PSD2: variants seen among roughly 807,000 people sequenced by gnomAD.
PSD2 encodes PH and SEC7 domain-containing protein 2.
A neutral mutation model predicts 69.8 loss-of-function variants in PSD2; 38 were observed. That is an observed-to-expected ratio of 0.54 (90% CI 0.42 to 0.71). The LOEUF is 0.71. PSD2 is among the 30% of genes least tolerant of loss of function. The pLI, the probability that PSD2 is intolerant of heterozygous loss-of-function variation, is 0.00. For synonymous variants in PSD2, 412 were observed against 423.0 expected, an observed-to-expected ratio of 0.97 and a Z score of 0.32; for missense variants, 943 against 1,014.5, an observed-to-expected ratio of 0.93 and a Z score of 0.96.
At chr5:139,833,586 A>G in intron 7 of PSD2, 116 bp from the exon 8 acceptor site, 1 of 740,906 alleles carries the variant, frequency 1.3e-6, no homozygotes, top group Non-Finnish European at 2.4e-6. Context: ...CACGCAATTT[A>G]ATTTTCATTA....
At chr5:139,768,315 G>T in the PSD2 span, among the ~76,000 whole-genome samples, 1 of 152,230 alleles carries the variant, frequency 6.6e-6, no homozygotes, top group Non-Finnish European at 1.5e-5. Context: ...GAGGCCAGTG[G>T]GCTGGTCACC....
the PSD2 span, among the ~76,000 whole-genome samples, chr5:139,774,407 G>T: frequency 1.3e-5 from 2 of 152,304 alleles, no homozygotes; most frequent in Admixed American, 6.5e-5. Context: ...TGAATAATGG[G>T]CAGGGGGAAT....
At chr5:139,764,434 T>TG in the PSD2 span, among the ~76,000 whole-genome samples, 1 of 151,398 alleles carries the variant, frequency 6.6e-6, no homozygotes, top group Middle Eastern at 3.4e-3. Flanking sequence ...CGCCTGTGGG[T>TG]GGGGGAGCCA....
chr5:139,839,805 G>T lies in PSD2; in HGVS notation c.1969-222G>T, dbSNP rs182281233. 4.1e-4 allele frequency among the ~76,000 whole-genome samples: 62 copies of T among 152,288 alleles called. No homozygotes were observed. The highest frequency in any genetic ancestry group is 1.5e-3 in the African/African-American group (62 of 41,548). The stretch of plus-strand genomic sequence containing the variant: ...AAGCCTGCGGTGGGGTGGCTGGGGG[G>T]CATCGAGGAAAGCTGATGCTGATGG... On this transcript the variant is annotated intron_variant, in intron 13 of 14. Transcript: ENST00000274710. This position sits in a 1 kb window ranked among gnomAD's most constrained non-coding sequence, Gnocchi z 5.1.
intron 1 of PSD2, among the ~76,000 whole-genome samples, chr5:139,798,937 T>C (rs1191256406): frequency 6.6e-6 from 1 of 152,234 alleles, no homozygotes; most frequent in Admixed American, 6.5e-5. Context: ...GGCTCTTTAG[T>C]GTTTCAATCT....
rs1339294890 is a variant in PSD2, at chr5:139,837,725, A to T, written c.1766A>T (p.Lys589Met). The T allele has an allele frequency of 6.2e-7, 1 of 1,613,998 alleles. No homozygotes were observed. The highest frequency in any genetic ancestry group is 1.7e-5 in the Admixed American group (1 of 59,996). The change falls in exon 12 of 15, where the codon AAG becomes ATG. Residue 589 changes from lysine to methionine, a missense_variant. Lys to Met is a moderately conservative substitution (Grantham distance 95). Around this residue, in one of 3 missense-constraint regions of PSD2, gnomAD observed 312 missense variants for 400.7 expected, o/e 0.78. Coordinates refer to ENST00000274710, the MANE Select transcript of PSD2 (RefSeq NM_032289.4). This position sits in a 1 kb window ranked among gnomAD's most constrained non-coding sequence, Gnocchi z 5.0. ...LATRASDYSK[K>M]SNVLKLKTAD... ...ACCAGGGCCTCTGACTACAGCAAGAAGTCCAACGTGCTGAAGCTTAAGACA... is the reference window on the plus strand; with the variant it reads ...ACCAGGGCCTCTGACTACAGCAAGATGTCCAACGTGCTGAAGCTTAAGACA...
the PSD2 span, among the ~76,000 whole-genome samples, chr5:139,746,875 G>A: frequency 6.6e-6 from 1 of 152,226 alleles, no homozygotes; most frequent in Admixed American, 6.5e-5. The surrounding 1 kb of genome is among the most constrained non-coding windows in gnomAD (Gnocchi z 4.5). Flanking sequence ...CCCAGCCCTG[G>A]TGGTGGGTGC....
intron 5 of PSD2, among the ~76,000 whole-genome samples, chr5:139,818,430 C>A (rs779553819): frequency 2.2e-4 from 33 of 152,130 alleles, no homozygotes; most frequent in Non-Finnish European, 2.8e-4. Context: ...CCTGTAGTCC[C>A]AGTTCCTCAG....
chr5:139,759,427 C>T, the PSD2 span, among the ~76,000 whole-genome samples: 10 of 152,220 alleles, frequency 6.6e-5, no homozygotes, highest in South Asian at 8.3e-4. Context: ...TCACCCGTGT[C>T]GGGACGCACC....
At chr5:139,835,054 T>C (rs1760683305) in intron 8 of PSD2, among the ~76,000 whole-genome samples, 1 of 151,106 alleles carries the variant, frequency 6.6e-6, no homozygotes, top group East Asian at 1.9e-4. Context: ...CCCCATCTAC[T>C]CACCTCAACA....
intron 8 of PSD2, 31 bp downstream of exon 8, chr5:139,833,822 A>G (rs766325816): frequency 6.6e-7 from 1 of 1,508,584 alleles, no homozygotes; most frequent in South Asian, 1.1e-5. Flanking sequence ...CCATCCCACT[A>G]GCTGTGCCCT....
intron 1 of PSD2, among the ~76,000 whole-genome samples, chr5:139,805,725 TGGTGCAAAGGCCCTGA>T (rs1759787834): frequency 1.3e-5 from 2 of 151,698 alleles, no homozygotes; most frequent in South Asian, 4.2e-4. Flanking sequence ...CGGGTATAGC[TGGTGCAAAGGCCCTGA>T]GGTGGGAATG....
intron 7 of PSD2, among the ~76,000 whole-genome samples, chr5:139,824,861 G>A (rs1304207468): frequency 6.6e-6 from 1 of 152,078 alleles, no homozygotes; most frequent in Non-Finnish European, 1.5e-5. Context: ...CATCAAGCAG[G>A]GACTGAGGCC....
At chr5:139,778,634 A>G in the PSD2 span, among the ~76,000 whole-genome samples, 1 of 152,266 alleles carries the variant, frequency 6.6e-6, no homozygotes. Flanking sequence ...CTTAGGATAA[A>G]TCCCTAGCAA....
intron 1 of PSD2, among the ~76,000 whole-genome samples, chr5:139,801,585 C>T (rs1759675695): frequency 6.6e-6 from 1 of 152,124 alleles, no homozygotes; most frequent in Admixed American, 6.5e-5. Flanking sequence ...CCTGCACAGG[C>T]TCTCTCCCCC....
intron 1 of PSD2, among the ~76,000 whole-genome samples, chr5:139,805,032 T>C (rs1056520747): frequency 4.3e-4 from 65 of 150,862 alleles, no homozygotes; most frequent in African/African-American, 1.4e-3. Flanking sequence ...TGTGTGTGTA[T>C]TGTGCATGTG....
In PSD2 at chr5:139,837,844, A is replaced by G; in HGVS notation, c.1823+62A>G. The G allele has an allele frequency of 6.6e-7, 1 of 1,507,144 alleles. No individual in the cohort carries two copies. The highest frequency in any genetic ancestry group is 1.2e-5 in the South Asian group (1 of 81,828). 93.4% of individuals were successfully genotyped at this position (1,507,144 alleles called of 1,614,324 possible). On this transcript the variant is annotated intron_variant, in intron 12 of 14. Transcript: ENST00000274710. The surrounding 1 kb of genome is among the most constrained non-coding windows in gnomAD (Gnocchi z 5.0). ...GCCCAGGGCCACAGTGACCCGGCAC[A>G]CAACCCCTCTCCTTCCCGTGAGTCA... is the stretch of plus-strand genomic sequence containing the variant.
At chr5:139,828,035 A>T (rs1441253670) in intron 7 of PSD2, among the ~76,000 whole-genome samples, 1 of 152,084 alleles carries the variant, frequency 6.6e-6, no homozygotes, top group African/African-American at 2.4e-5. Context: ...TTTGGAGATG[A>T]TGCCAATGCT....
At chr5:139,829,526 A>AT (rs1304041804) in intron 7 of PSD2, among the ~76,000 whole-genome samples, 1 of 151,930 alleles carries the variant, frequency 6.6e-6, no homozygotes, top group Admixed American at 6.6e-5. Context: ...GGCTAATGCT[A>AT]TTTTGCTTTC....
Sources: gnomAD v4.1 joint callset for allele counts (sites outside exome capture counted in the v4.1 genomes callset) on GRCh38, gnomAD v4.1.1 for gene constraint, gnomAD v4.1.1 regional missense constraint, Gnocchi (gnomAD v3.1) non-coding constraint, MANE v1.5 for transcripts, NCBI Gene and HGNC (gene_info 2026-07-23, HGNC 2026-07-21) for gene names.